The following LRRC69 variants were observed in gnomAD, a reference collection of about 807,000 sequenced individuals.
LRRC69 encodes the protein leucine-rich repeat-containing protein 69.
A neutral mutation model predicts 37.8 loss-of-function variants in LRRC69; 42 were observed. That is an observed-to-expected ratio of 1.11 (90% confidence interval 0.87 to 1.44). The LOEUF is 1.44. Ranked by LOEUF, LRRC69 falls within the 40% of genes most tolerant of loss-of-function variation. The probability of loss-of-function intolerance (pLI) is 0.00; values close to 1 mark genes in which losing one functional copy is unlikely to be tolerated. For missense variants in LRRC69, 357 were observed against 401.9 expected, an observed-to-expected ratio of 0.89 and a Z score of 0.96; for synonymous variants, 141 against 143.1, an observed-to-expected ratio of 0.99 and a Z score of 0.11.
chr8:91,192,460 C>A (rs1408213681), intron 6 of LRRC69, among the ~76,000 whole-genome samples: 1 of 151,548 alleles, frequency 6.6e-6, no homozygotes, highest in Non-Finnish European at 1.5e-5. Context: ...ACAGTCCCAC[C>A]AACAGTGTAA....
chr8:91,135,038 C>T (rs1813885114), intron 4 of LRRC69, among the ~76,000 whole-genome samples: 1 of 152,038 alleles, frequency 6.6e-6, no homozygotes, highest in Non-Finnish European at 1.5e-5. Context: ...GAGTCGACAG[C>T]AACGGAAGTA....
intron 1 of LRRC69, among the ~76,000 whole-genome samples, chr8:91,113,014 A>T (rs1012029826): frequency 3.3e-5 from 5 of 152,012 alleles, no homozygotes; most frequent in Non-Finnish European, 5.9e-5. Context: ...ACAACCAAAC[A>T]GGTCAAAGAT....
chr8:91,112,708 A>G lies in LRRC69; in HGVS notation c.183+9864A>G, dbSNP rs560747160. ...AGAATACTTACTTTCTCTACTTTTCAACATAGTACTGGAAGTCCTAGTCAA... is the reference window on the plus strand; with the variant it reads ...AGAATACTTACTTTCTCTACTTTTCGACATAGTACTGGAAGTCCTAGTCAA... On this transcript the variant is annotated intron_variant, in intron 1 of 7. Coordinates refer to ENST00000448384, the Ensembl canonical transcript of LRRC69. 1.2e-4 allele frequency among the ~76,000 whole-genome samples: 18 copies of G among 152,168 alleles called. No homozygotes were observed. The South Asian group carries it at 3.7e-3, about 32-fold the overall frequency.
At chr8:91,116,689 T>A (rs568188570) in intron 1 of LRRC69, among the ~76,000 whole-genome samples, 1 of 152,104 alleles carries the variant, frequency 6.6e-6, no homozygotes, top group South Asian at 2.1e-4. Flanking sequence ...CATTTCACCA[T>A]AAATCATAGC....
chr8:91,196,921 C>A (rs980204035), intron 6 of LRRC69, among the ~76,000 whole-genome samples: 4 of 152,050 alleles, frequency 2.6e-5, no homozygotes, highest in East Asian at 3.9e-4. Context: ...AGGCGCTCTG[C>A]GTTTTAGAGT....
At chr8:91,134,738 C>T (rs549135226) in intron 4 of LRRC69, among the ~76,000 whole-genome samples, 1 of 152,054 alleles carries the variant, frequency 6.6e-6, no homozygotes, top group African/African-American at 2.4e-5. Context: ...AATGGAACAT[C>T]ATTTGTTCCA....
chr8:91,206,531 C>T (rs1244980599), intron 7 of LRRC69, among the ~76,000 whole-genome samples: 1 of 152,156 alleles, frequency 6.6e-6, no homozygotes, highest in Non-Finnish European at 1.5e-5. Context: ...TTAATGAGTA[C>T]AGCGTGTCAG....
chr8:91,144,810 C>A (rs1169380022), intron 5 of LRRC69, among the ~76,000 whole-genome samples: 1 of 151,892 alleles, frequency 6.6e-6, no homozygotes, highest in Non-Finnish European at 1.5e-5. Flanking sequence ...TTGTCTAATT[C>A]AAATACTACC....
chr8:91,150,801 G>T (rs1372628443), intron 5 of LRRC69, among the ~76,000 whole-genome samples: 1 of 151,774 alleles, frequency 6.6e-6, no homozygotes, highest in African/African-American at 2.4e-5. Context: ...ACTTCTTCCT[G>T]GTTTAGTCTT....
At chr8:91,136,874 C>A (rs1489410786) in intron 5 of LRRC69, among the ~76,000 whole-genome samples, 1 of 151,934 alleles carries the variant, frequency 6.6e-6, no homozygotes, top group South Asian at 2.1e-4. Flanking sequence ...TTATCTTATA[C>A]CATGTGTCAG....
intron 5 of LRRC69, among the ~76,000 whole-genome samples, chr8:91,142,827 C>T (rs1260764650): frequency 6.6e-6 from 1 of 152,024 alleles, no homozygotes; most frequent in East Asian, 1.9e-4. Flanking sequence ...CAGGTTGGGG[C>T]AGTCTCTGTC....
chr8:91,150,012 T>C (rs200597418), intron 5 of LRRC69, among the ~76,000 whole-genome samples: 3 of 151,764 alleles, frequency 2.0e-5, no homozygotes, highest in Non-Finnish European at 4.4e-5. Flanking sequence ...TCTAGATATA[T>C]AATCATGTCA....
rs567152200 is a variant in LRRC69, at chr8:91,102,678, T to G, written c.17T>G (p.Leu6Ter). 1.4e-5 allele frequency: 21 copies of G among 1,550,686 alleles called. No homozygotes were observed. The East Asian group carries it at 3.2e-4, about 23-fold the overall frequency. The stretch of plus-strand genomic sequence containing the variant: ...TCCAAGATCATGACTGAGAGATTGT[T>G]AATAAAAGCATTGAGTGGTGGTAAA... The change falls in exon 1 of 8, where the codon TTA becomes TGA. Residue 6 changes from leucine to a stop codon, truncating the protein, a stop_gained. Coordinates refer to ENST00000448384, the Ensembl canonical transcript of LRRC69. LOFTEE classifies it high-confidence loss of function.
At chr8:91,155,748 G>T (rs1337331326) in intron 5 of LRRC69, among the ~76,000 whole-genome samples, 3 of 150,308 alleles carry the variant, frequency 2.0e-5, no homozygotes, top group African/African-American at 7.3e-5. Context: ...TTATCTTTCT[G>T]TGCCTGACTT....
chr8:91,206,943 G>C, intron 7 of LRRC69: 1 of 899,382 alleles, frequency 1.1e-6, no homozygotes, highest in Middle Eastern at 2.7e-4. Flanking sequence ...TCTGGGCTAT[G>C]TTTCCTATGC....
rs949776925 is a variant in LRRC69, at chr8:91,172,998, C to T, written c.652-16524C>T. Among the ~76,000 whole-genome samples the T allele has an allele frequency of 3.5e-4, 53 of 152,026 alleles. 1 individual carries two copies. The highest frequency in any genetic ancestry group is 3.1e-3 in the Admixed American group (48 of 15,242). On this transcript the variant is annotated intron_variant, in intron 5 of 7. Transcript: ENST00000448384. ...ATGTCTGACAGGAGATTGCTTTGGT[C>T]AGTGAGTGTGTGGAAGCAAGTATAA... is the stretch of plus-strand genomic sequence containing the variant.
intron 5 of LRRC69, among the ~76,000 whole-genome samples, chr8:91,148,832 A>G (rs1333245666): frequency 6.6e-6 from 1 of 152,018 alleles, no homozygotes; most frequent in Non-Finnish European, 1.5e-5. Context: ...TCTGATGGTC[A>G]GTGATGATGA....
chr8:91,192,161 C>A (rs563560415), intron 6 of LRRC69, among the ~76,000 whole-genome samples: 1 of 152,218 alleles, frequency 6.6e-6, no homozygotes, highest in South Asian at 2.1e-4. Flanking sequence ...CATGTCCCTA[C>A]AAAGGACATG....
At chr8:91,186,138 G>A (rs763598352) in intron 5 of LRRC69, among the ~76,000 whole-genome samples, 1 of 152,156 alleles carries the variant, frequency 6.6e-6, no homozygotes, top group Non-Finnish European at 1.5e-5. Flanking sequence ...AATGTGTCTG[G>A]CGTTTCTGAG....
Sources: allele counts gnomAD v4.1 joint callset (sites outside exome capture counted in the v4.1 genomes callset), GRCh38; gene constraint gnomAD v4.1.1; transcripts MANE v1.5; gene names NCBI Gene and HGNC (gene_info 2026-07-23, HGNC 2026-07-21).